The following ITPR1 variants were observed in gnomAD, a reference collection of about 807,000 sequenced individuals.
ITPR1 encodes inositol 1,4,5-trisphosphate receptor type 1, also known as inositol 1,4,5-trisphosphate-gated calcium channel ITPR1.
Under a neutral mutation model 318.4 loss-of-function variants are expected in ITPR1, and 96 were observed. The ratio of observed to expected loss-of-function variants is 0.30; its 90% CI spans 0.26 to 0.36. The LOEUF (loss-of-function observed/expected upper bound fraction) is 0.36, where lower values mean the gene tolerates loss of function less well. Among genes scored for constraint, ITPR1 ranks in the 10% least tolerant of loss-of-function variants. The probability of loss-of-function intolerance (pLI) is 1.00; values close to 1 mark genes in which losing one functional copy is unlikely to be tolerated. For synonymous variants in ITPR1, 1,312 were observed against 1,289.9 expected (o/e 1.02, Z -0.37); for missense variants, 2,440 against 3,460.2 (o/e 0.71, Z 7.40).
At chr3:4,610,895 C>T (rs944612610) in intron 4 of ITPR1, among the ~76,000 whole-genome samples, 7 of 121,856 alleles carry the variant, frequency 5.7e-5, no homozygotes, top group Admixed American at 4.8e-4. Flanking sequence ...CCCCTTCCCC[C>T]TTCCCCCCCT....
chr3:4,659,197 CAT>C (rs1304939816), intron 13 of ITPR1, among the ~76,000 whole-genome samples: 86 of 152,294 alleles, frequency 5.6e-4, no homozygotes, highest in Non-Finnish European at 5.9e-5. Context: ...AGTTGTGTTT[CAT>C]CCATTCAGAG....
chr3:4,781,990 G>C (rs1177023806), intron 49 of ITPR1, among the ~76,000 whole-genome samples: 3 of 151,994 alleles, frequency 2.0e-5, no homozygotes, highest in Non-Finnish European at 2.9e-5. Flanking sequence ...CTCAAAAAAA[G>C]GAGGGGAATC....
chr3:4,768,473 G>T, intron 45 of ITPR1, 38 bp from the exon 46 acceptor site: 1 of 1,565,974 alleles, frequency 6.4e-7, no homozygotes. Context: ...GGCCCATGAG[G>T]ACTCTGCAGC....
chr3:4,767,034 G>T (rs1478862265), intron 45 of ITPR1, among the ~76,000 whole-genome samples: 1 of 152,230 alleles, frequency 6.6e-6, no homozygotes, highest in Non-Finnish European at 1.5e-5. Context: ...TTAAAACTGG[G>T]TGTTAGTCCT....
At position 4,526,672 on chromosome 3, in the gene ITPR1, T is replaced by G. The variant is rs1285300229; in HGVS notation, c.163+5578T>G. On this transcript the variant is annotated intron_variant, in intron 4 of 61. Transcript: ENST00000649015. Reference sequence around the variant, plus strand: ...ATCTGAGGAACCCACCTATGAGGTGTAGGTCTTGATGTTCCCATTATGCAG... The same window carrying G: ...ATCTGAGGAACCCACCTATGAGGTGGAGGTCTTGATGTTCCCATTATGCAG... Among the ~76,000 whole-genome samples the G allele has an allele frequency of 1.3e-5, 2 of 152,380 alleles. 1 individual carries two copies. The highest frequency in any genetic ancestry group is 4.1e-4 in the South Asian group (2 of 4,834).
chr3:4,811,188 A>C (rs2048920766), intron 55 of ITPR1, 77 bp from the exon 56 acceptor site: 2 of 1,076,412 alleles, frequency 1.9e-6, no homozygotes, highest in East Asian at 5.3e-5. Context: ...CTCTCTATAA[A>C]CCAAGTTTGC....
chr3:4,776,666 A>T (rs1465649282), intron 47 of ITPR1, among the ~76,000 whole-genome samples: 1 of 152,222 alleles, frequency 6.6e-6, no homozygotes, highest in African/African-American at 2.4e-5. Context: ...AACAAAAAAA[A>T]TACAACAGGC....
chr3:4,515,155 C>T (rs1417957268), intron 2 of ITPR1, among the ~76,000 whole-genome samples: 1 of 152,172 alleles, frequency 6.6e-6, no homozygotes, highest in East Asian at 1.9e-4. Flanking sequence ...CTTTTCCCTG[C>T]AGCTTCTCAT....
rs1244270392 is a variant in ITPR1 at position 4,779,747 on chromosome 3, A to G, written c.6387+102A>G. 2.6e-6 allele frequency: 2 copies of G among 763,840 alleles called. No homozygotes were observed. Among genetic ancestry groups the G allele is most frequent in the Non-Finnish European group, 4.5e-6 (2 of 444,550 alleles). 47.3% of individuals were successfully genotyped at this position (763,840 alleles called of 1,614,324 possible). A position where few individuals can be genotyped will look rare whatever the true frequency, so the allele number is the denominator to read the frequency against. On this transcript the variant is annotated intron_variant, in intron 49 of 61. Transcript: ENST00000649015. The surrounding 1 kb of genome is among the most constrained non-coding windows in gnomAD (Gnocchi z 4.0). ...TCCTGGAGCTTTCTTGAAGGTTCCC[A>G]AAGTCAGAAGTATAAAGGGAACATT...
At chr3:4,593,638 C>T (rs1381491203) in intron 4 of ITPR1, among the ~76,000 whole-genome samples, 1 of 152,144 alleles carries the variant, frequency 6.6e-6, no homozygotes, top group Non-Finnish European at 1.5e-5. Context: ...TAAGAGGGGC[C>T]ATGCTGTTCT....
At chr3:4,740,709 C>T (rs955864766) in intron 44 of ITPR1, among the ~76,000 whole-genome samples, 1 of 152,082 alleles carries the variant, frequency 6.6e-6, no homozygotes, top group Middle Eastern at 3.2e-3. Context: ...GAGGGTAGAT[C>T]GTGACTCCCA....
intron 52 of ITPR1, among the ~76,000 whole-genome samples, chr3:4,791,469 G>A (rs561955011): frequency 6.6e-6 from 1 of 152,178 alleles, no homozygotes; most frequent in Non-Finnish European, 1.5e-5. Flanking sequence ...ACACTCCTGT[G>A]AGCATCTGAT....
At chr3:4,681,596 AGAGAGAGT>A (rs1373850205) in intron 26 of ITPR1, among the ~76,000 whole-genome samples, 178 bp downstream of exon 26, 1 of 136,572 alleles carries the variant, frequency 7.3e-6, no homozygotes, top group Non-Finnish European at 1.5e-5. Flanking sequence ...TTGGGAGGAG[AGAGAGAGT>A]GAGAGAGAGA....
chr3:4,681,273 C>A, intron 25 of ITPR1, 91 bp from the exon 26 acceptor site: 1 of 869,620 alleles, frequency 1.1e-6, no homozygotes, highest in South Asian at 1.4e-5. Context: ...GTTAACTCAA[C>A]AGCTTTACCC....
chr3:4,842,894 TATA>T (rs2051456472), intron 61 of ITPR1, among the ~76,000 whole-genome samples: 1 of 152,108 alleles, frequency 6.6e-6, no homozygotes, highest in Admixed American at 6.6e-5. Flanking sequence ...TATAACAAGA[TATA>T]TAGATAGTAC....
Position 4,800,529 on chromosome 3 carries a change from G to A in ITPR1, c.7036G>A (p.Ala2346Thr). The A allele has an allele frequency of 1.9e-6, 3 of 1,613,970 alleles. No individual in the cohort carries two copies. The highest frequency in any genetic ancestry group is 2.5e-6 in the Non-Finnish European group (3 of 1,179,866). The change falls in exon 54 of 62, where the codon GCC (alanine) becomes ACC (threonine). Residue 2346 changes from alanine to threonine, a missense_variant. Physicochemically the swap from Ala to Thr is moderately conservative, Grantham distance 58. Transcript: ENST00000649015. ...GCCCCATGGCATCCGGGCCTTAATT[G>A]CCTCCACAATTCTACGACTGATATT... is the stretch of plus-strand genomic sequence containing the variant. Reference protein sequence around the residue: ...PKPHGIRALIASTILRLIFSV... With the variant: ...PKPHGIRALITSTILRLIFSV...
intron 4 of ITPR1, among the ~76,000 whole-genome samples, chr3:4,560,388 A>G (rs1559448273): frequency 6.6e-6 from 1 of 152,218 alleles, no homozygotes; most frequent in Non-Finnish European, 1.5e-5. Context: ...TTGATGGTAT[A>G]CACATACATT....
chr3:4,504,530 G>A (rs1008406398), intron 2 of ITPR1, among the ~76,000 whole-genome samples: 8 of 152,286 alleles, frequency 5.3e-5, no homozygotes, highest in South Asian at 4.1e-4. Context: ...CTGATGATGG[G>A]GACATGCTGC....
At chr3:4,569,330 A>G (rs907092627) in intron 4 of ITPR1, among the ~76,000 whole-genome samples, 5 of 152,248 alleles carry the variant, frequency 3.3e-5, no homozygotes, top group African/African-American at 4.8e-5. Context: ...ATAAAATTTG[A>G]TTTTTAAAAC....
Sources: gnomAD v4.1 joint callset for allele counts (sites outside exome capture counted in the v4.1 genomes callset) on GRCh38, gnomAD v4.1.1 for gene constraint, Gnocchi (gnomAD v3.1) non-coding constraint, MANE v1.5 for transcripts, NCBI Gene and HGNC (gene_info 2026-07-23, HGNC 2026-07-21) for gene names.